MIR2052HG: variants seen among roughly 807,000 people sequenced by gnomAD.
MIR2052HG encodes the protein MIR2052 host gene.
intron 2 of MIR2052HG, among the ~76,000 whole-genome samples, chr8:74,685,028 C>A (rs28503974): frequency 0.03 from 4,561 of 152,096 alleles, 210 homozygotes; most frequent in African/African-American, 0.1. Flanking sequence ...ATCTGAGACT[C>A]ATAATCTTTG....
At chr8:74,632,268 T>G (rs553938558) in intron 2 of MIR2052HG, among the ~76,000 whole-genome samples, 11 of 152,206 alleles carry the variant, frequency 7.2e-5, no homozygotes, top group Non-Finnish European at 1.3e-4. Flanking sequence ...TGCACAGGTT[T>G]CTCCAAGACT....
At chr8:74,757,186 C>T (rs1369924453) in intron 5 of MIR2052HG, 2 of 152,160 alleles carry the variant, frequency 1.3e-5, no homozygotes, top group Non-Finnish European at 2.9e-5. Context: ...AGGTTAATAA[C>T]ACCCTCCTCT....
At chr8:74,640,043 TTAA>T (rs1808621874) in intron 2 of MIR2052HG, among the ~76,000 whole-genome samples, 1 of 152,216 alleles carries the variant, frequency 6.6e-6, no homozygotes, top group Admixed American at 6.5e-5. Context: ...AATGCCTTTA[TTAA>T]TGTTTGATCA....
chr8:74,701,276 G>A (rs1809354701), intron 2 of MIR2052HG, among the ~76,000 whole-genome samples: 1 of 152,198 alleles, frequency 6.6e-6, no homozygotes, highest in East Asian at 1.9e-4. Context: ...ATCAAATTTT[G>A]TTTTATTATC....
chr8:74,706,983 A>G (rs1809417649), intron 4 of MIR2052HG, among the ~76,000 whole-genome samples: 2 of 152,132 alleles, frequency 1.3e-5, no homozygotes, highest in Admixed American at 1.3e-4. Context: ...AGAAATAAAA[A>G]GAGTACCACA....
At chr8:74,729,743 A>G (rs980345691) in intron 4 of MIR2052HG, among the ~76,000 whole-genome samples, 2 of 152,164 alleles carry the variant, frequency 1.3e-5, no homozygotes, top group African/African-American at 4.8e-5. Context: ...GAGATTTGCT[A>G]TGCACTGAAT....
At chr8:74,685,703 A>C (rs571156596) in intron 2 of MIR2052HG, among the ~76,000 whole-genome samples, 1 of 152,214 alleles carries the variant, frequency 6.6e-6, no homozygotes, top group African/African-American at 2.4e-5. Context: ...CAGAAAAATT[A>C]GTCATGCATA....
intron 2 of MIR2052HG, among the ~76,000 whole-genome samples, chr8:74,697,869 A>G (rs913638162): frequency 1.3e-5 from 2 of 152,202 alleles, no homozygotes; most frequent in Admixed American, 6.5e-5. Context: ...ACACAAACAA[A>G]TTAAAATGCA....
intron 2 of MIR2052HG, among the ~76,000 whole-genome samples, chr8:74,649,340 G>T (rs1808728584): frequency 6.6e-6 from 1 of 152,028 alleles, no homozygotes; most frequent in Admixed American, 6.6e-5. Context: ...GCATTTTTGT[G>T]TGTGTGATTT....
Position 74,654,331 on chromosome 8 carries a change from T to C in MIR2052HG, n.216+41391T>C, listed in dbSNP as rs1586904619. On this transcript the variant is annotated intron_variant and non_coding_transcript_variant, in intron 2 of 6. Coordinates refer to ENST00000523442, the Ensembl canonical transcript of MIR2052HG. ...AGATTATGGAGGGAAGGAGGCAGGG[T>C]GTACTGTTTGCACTCAGACAAAAGA... is the stretch of plus-strand genomic sequence containing the variant. 2.0e-5 allele frequency among the ~76,000 whole-genome samples: 3 copies of C among 152,148 alleles called. No homozygotes were observed. The East Asian group carries it at 5.8e-4, about 30-fold the overall frequency.
intron 2 of MIR2052HG, among the ~76,000 whole-genome samples, chr8:74,665,637 C>G (rs141172415): frequency 7.2e-5 from 11 of 152,302 alleles, no homozygotes; most frequent in Non-Finnish European, 1.2e-4. Context: ...ATATTTACCT[C>G]TCCATTTTAT....
chr8:74,712,700 CTTT>C (rs34899536), intron 4 of MIR2052HG, among the ~76,000 whole-genome samples: 1 of 143,456 alleles, frequency 7.0e-6, no homozygotes, highest in African/African-American at 2.5e-5. Context: ...CTTTTTCTGC[CTTT>C]TTTTTTTTTT....
chr8:74,732,820 C>T (rs762920732), intron 4 of MIR2052HG, among the ~76,000 whole-genome samples: 28 of 151,998 alleles, frequency 1.8e-4, no homozygotes, highest in African/African-American at 2.9e-4. Flanking sequence ...TTCAAGGATA[C>T]CTAAGAAAAC....
chr8:74,638,131 A>G (rs977258287), intron 2 of MIR2052HG, among the ~76,000 whole-genome samples: 2 of 152,192 alleles, frequency 1.3e-5, no homozygotes, highest in Admixed American at 6.5e-5. Context: ...CTGAAAAATA[A>G]AGGGAGTTAT....
chr8:74,704,897 C>T (rs1366581779), intron 4 of MIR2052HG, among the ~76,000 whole-genome samples: 2 of 152,078 alleles, frequency 1.3e-5, no homozygotes, highest in Non-Finnish European at 2.9e-5. Context: ...TTAGGATAAG[C>T]ATGGCAGGAT....
intron 2 of MIR2052HG, among the ~76,000 whole-genome samples, chr8:74,651,305 ATATT>A (rs1396593091): frequency 1.3e-5 from 2 of 152,226 alleles, no homozygotes; most frequent in East Asian, 3.9e-4. Context: ...CTCTTTAAGA[ATATT>A]TATTTCTCTT....
intron 2 of MIR2052HG, among the ~76,000 whole-genome samples, chr8:74,665,502 A>G (rs750108009): frequency 2.6e-5 from 4 of 152,124 alleles, no homozygotes; most frequent in Non-Finnish European, 5.9e-5. Context: ...TGCTGCTTCT[A>G]TCTCCTGCAA....
chr8:74,625,879 T>C (rs1808427821), intron 2 of MIR2052HG, among the ~76,000 whole-genome samples: 1 of 152,214 alleles, frequency 6.6e-6, no homozygotes. Flanking sequence ...CAATAATCTG[T>C]AATTATTATG....
At chr8:74,724,890 T>C (rs1176816914) in intron 4 of MIR2052HG, among the ~76,000 whole-genome samples, 1 of 152,124 alleles carries the variant, frequency 6.6e-6, no homozygotes, top group African/African-American at 2.4e-5. Context: ...GCATTTGTAT[T>C]GTCCTGGCCT....
Sources: allele counts gnomAD v4.1 joint callset (sites outside exome capture counted in the v4.1 genomes callset), GRCh38; gene constraint gnomAD v4.1.1; transcripts MANE v1.5; gene names NCBI Gene and HGNC (gene_info 2026-07-23, HGNC 2026-07-21).